The following PROK1 variants were observed in gnomAD, a reference collection of about 807,000 sequenced individuals.
PROK1 encodes the protein prokineticin 1.
A neutral mutation model predicts 8.8 loss-of-function variants in PROK1; 10 were observed. That is an observed-to-expected ratio of 1.13 (90% CI 0.70 to 1.92). The LOEUF is 1.92. Ranked by LOEUF, PROK1 falls within the 30% of genes most tolerant of loss-of-function variation. The pLI is 0.00. For synonymous variants in PROK1, 57 were observed against 56.0 expected, an observed-to-expected ratio of 1.02 and a Z score of -0.08; for missense variants, 140 against 139.7, an observed-to-expected ratio of 1.00 and a Z score of -0.01.
intron 2 of PROK1, among the ~76,000 whole-genome samples, chr1:110,455,152 T>C (rs530147735): frequency 6.7e-4 from 102 of 152,328 alleles, no homozygotes; most frequent in Non-Finnish European, 6.0e-4. Flanking sequence ...TAGTCTGACA[T>C]TGACATATTA....
intron 2 of PROK1, among the ~76,000 whole-genome samples, chr1:110,455,942 T>C (rs1323461831): frequency 1.3e-5 from 2 of 151,428 alleles, no homozygotes; most frequent in African/African-American, 2.4e-5. Flanking sequence ...TGTGTGTGCG[T>C]GTGTGTGTGT....
intron 1 of PROK1, among the ~76,000 whole-genome samples, chr1:110,453,701 C>A (rs1373782928): frequency 6.6e-6 from 1 of 152,234 alleles, no homozygotes; most frequent in Non-Finnish European, 1.5e-5. Context: ...AAAAGGAGGA[C>A]TGTCTTCCTT....
intron 2 of PROK1, among the ~76,000 whole-genome samples, chr1:110,455,974 G>T (rs554560968): frequency 6.6e-6 from 1 of 152,204 alleles, no homozygotes; most frequent in Non-Finnish European, 1.5e-5. Flanking sequence ...CATGTGTGCT[G>T]AGTCTCCAGA....
chr1:110,456,911 C>A lies in PROK1; in HGVS notation c.*560C>A, dbSNP rs1232171856. The A allele has an allele frequency of 2.2e-5, 4 of 180,840 alleles. No homozygotes were observed. The highest frequency in any genetic ancestry group is 4.7e-5 in the Non-Finnish European group (4 of 84,318). The allele number at this position is 180,840 out of a possible 1,614,324, so 11.2% of individuals were successfully genotyped here. ...CTTCCCAGAGGGCAGCAGACAGTCA[C>A]CCCAAGGCAGGTGTAGGGAGCCCAG... On this transcript the variant is annotated 3_prime_UTR_variant, in exon 3 of 3. Coordinates refer to ENST00000271331, the MANE Select transcript of PROK1 (RefSeq NM_032414.3).
chr1:110,453,417 C>T (rs1325407841), intron 1 of PROK1, among the ~76,000 whole-genome samples: 1 of 152,152 alleles, frequency 6.6e-6, no homozygotes, highest in Non-Finnish European at 1.5e-5. Flanking sequence ...GGGAGAGGCA[C>T]CTGTTCACTG....
At chr1:110,452,180 C>T (rs1423628805) in intron 1 of PROK1, among the ~76,000 whole-genome samples, 1 of 152,128 alleles carries the variant, frequency 6.6e-6, no homozygotes, top group Non-Finnish European at 1.5e-5. Context: ...CAGCTTTTTA[C>T]ATGGATAGTG....
chr1:110,451,179 T>C lies in PROK1; in HGVS notation c.-38T>C. The C allele has an allele frequency of 6.2e-7, 1 of 1,604,920 alleles. No homozygotes were observed. Reference sequence around the variant, plus strand: ...GCTGAGCGGGAGGAAGCGAGAGGCATCTAAGCAGGCAGTGTTTTGCCTTCA... The same window carrying C: ...GCTGAGCGGGAGGAAGCGAGAGGCACCTAAGCAGGCAGTGTTTTGCCTTCA... On this transcript the variant is annotated 5_prime_UTR_variant, in exon 1 of 3. Coordinates refer to ENST00000271331, the MANE Select transcript of PROK1 (RefSeq NM_032414.3).
intron 2 of PROK1, among the ~76,000 whole-genome samples, chr1:110,454,457 A>C (rs1380429915): frequency 6.6e-6 from 1 of 152,218 alleles, no homozygotes; most frequent in Non-Finnish European, 1.5e-5. Context: ...TTTGATCCTC[A>C]CTGCAACCCT....
At position 110,454,033 on chromosome 1, in the gene PROK1, A is replaced by T; in HGVS notation, c.145A>T (p.Met49Leu). ...CAGCCTGTGGCTTCGAGGGCTGCGGATGTGCACCCCGCTGGGGCGGGAAGG... is the reference window on the plus strand; with the variant it reads ...CAGCCTGTGGCTTCGAGGGCTGCGGTTGTGCACCCCGCTGGGGCGGGAAGG... Reference protein sequence around the residue: ...AISLWLRGLRMCTPLGREGEE... With the variant: ...AISLWLRGLRLCTPLGREGEE... Residue 49 changes from methionine to leucine, a missense_variant, in exon 2 of 3, where the codon ATG (methionine) becomes TTG (leucine). Physicochemically the swap from Met to Leu is conservative, Grantham distance 15 (BLOSUM62 2). Transcript: ENST00000271331. 6.2e-7 allele frequency: 1 copy of T among 1,614,102 alleles called. No individual in the cohort carries two copies. The highest frequency in any genetic ancestry group is 8.5e-7 in the Non-Finnish European group (1 of 1,180,004).
At chr1:110,452,945 C>T (rs1664110355) in intron 1 of PROK1, among the ~76,000 whole-genome samples, 1 of 152,180 alleles carries the variant, frequency 6.6e-6, no homozygotes, top group Non-Finnish European at 1.5e-5. Flanking sequence ...GTGAGACGTG[C>T]CCTTGCTGGG....
rs115905819 is a variant in PROK1, at chr1:110,456,162, G to A, written c.199-70G>A. The A allele has an allele frequency of 3.0e-3, 4,674 of 1,572,482 alleles. 109 individuals are homozygous for A. The African/African-American group carries it at 0.051, about 17-fold the overall frequency. On this transcript the variant is annotated intron_variant, in intron 2 of 2. Transcript: ENST00000271331. The stretch of plus-strand genomic sequence containing the variant: ...GTGAGACTTTTGCCAGTGCTGGGCT[G>A]AGCAGAGACTGCTGCCAGGAGGCCC...
Position 110,456,524 on chromosome 1 carries a change from C to A in PROK1, c.*173C>A. On this transcript the variant is annotated 3_prime_UTR_variant, in exon 3 of 3. Coordinates refer to ENST00000271331, the MANE Select transcript of PROK1 (RefSeq NM_032414.3). ...CAGGCAGACATACCTCCCATCATGA[C>A]ATGGTCCCCAGGCTGGCCTGAGGAT... 1.2e-6 allele frequency: 1 copy of A among 833,024 alleles called. No homozygotes were observed. The highest frequency in any genetic ancestry group is 1.9e-6 in the Non-Finnish European group (1 of 516,912). The allele number at this position is 833,024 out of a possible 1,614,324, so 51.6% of individuals were successfully genotyped here.
chr1:110,454,137 G>A (rs1255619896), intron 2 of PROK1, 51 bp downstream of exon 2: 65 of 1,596,866 alleles, frequency 4.1e-5, no homozygotes, highest in Non-Finnish European at 5.4e-5. Context: ...GCCATGCGGG[G>A]AGCAGAGGGT....
intron 1 of PROK1, 40 bp downstream of exon 1, chr1:110,451,328 A>G (rs746133139): frequency 6.3e-7 from 1 of 1,584,728 alleles, no homozygotes; most frequent in South Asian, 1.1e-5. Context: ...GGTTTTGGGA[A>G]GATGTCAGGG....
chr1:110,456,183 G>T, intron 2 of PROK1, 49 bp from the exon 3 acceptor site: 1 of 1,602,848 alleles, frequency 6.2e-7, no homozygotes. Context: ...GCTGCCAGGA[G>T]GCCCACCTAC....
chr1:110,452,219 T>C (rs1282378429), intron 1 of PROK1, among the ~76,000 whole-genome samples: 2 of 152,354 alleles, frequency 1.3e-5, no homozygotes, highest in Non-Finnish European at 1.5e-5. Flanking sequence ...AAACAATTCC[T>C]GGAATTGGGT....
At chr1:110,455,281 A>T (rs1664154660) in intron 2 of PROK1, among the ~76,000 whole-genome samples, 1 of 152,172 alleles carries the variant, frequency 6.6e-6, no homozygotes, top group African/African-American at 2.4e-5. Flanking sequence ...ACAGGCTTTC[A>T]GGCTTACCAG....
intron 1 of PROK1, among the ~76,000 whole-genome samples, chr1:110,452,996 C>T (rs941135707): frequency 6.6e-6 from 1 of 152,110 alleles, no homozygotes; most frequent in Non-Finnish European, 1.5e-5. Flanking sequence ...CCCGTAACTC[C>T]TCTGCATGAT....
At chr1:110,453,803 TAA>T (rs1664127010) in intron 1 of PROK1, among the ~76,000 whole-genome samples, 156 bp from the exon 2 acceptor site, 1 of 152,122 alleles carries the variant, frequency 6.6e-6, no homozygotes, top group Non-Finnish European at 1.5e-5. Flanking sequence ...AGCAAGGCAA[TAA>T]AGTGTGGCCC....
Sources: gnomAD v4.1 joint callset for allele counts (sites outside exome capture counted in the v4.1 genomes callset) on GRCh38, gnomAD v4.1.1 for gene constraint, MANE v1.5 for transcripts, NCBI Gene and HGNC (gene_info 2026-07-23, HGNC 2026-07-21) for gene names.